COL4A1: variants seen among roughly 807,000 people sequenced by gnomAD.
COL4A1 encodes collagen type IV alpha 1 chain.
COL4A1 carries 40 observed loss-of-function variants against 216.6 expected under a neutral mutation model. That is an observed-to-expected ratio of 0.18 (90% CI 0.14 to 0.24). COL4A1 has a LOEUF of 0.24. Ranked by LOEUF, COL4A1 falls within the 10% of genes least tolerant of loss-of-function variation. The pLI is 1.00. For synonymous variants in COL4A1, 839 were observed against 810.7 expected (o/e 1.03, Z -0.59); for missense variants, 1,628 against 2,196.8 (o/e 0.74, Z 5.18).
intron 11 of COL4A1, 94 bp from the exon 12 acceptor site, chr13:110,208,984 A>T (rs1209939752): frequency 8.1e-7 from 1 of 1,239,930 alleles, no homozygotes; most frequent in East Asian, 2.3e-5. Context: ...AAGATGGTAG[A>T]TTTCAGGCAA....
chr13:110,266,660 A>C (rs535317913), intron 1 of COL4A1, among the ~76,000 whole-genome samples: 1 of 152,266 alleles, frequency 6.6e-6, no homozygotes, highest in East Asian at 1.9e-4. Context: ...AAATTGCAAC[A>C]ATGTTACAAT....
rs490727 is a variant in COL4A1, at chr13:110,192,696, A to G, written c.1465+134T>C. On this transcript the variant is annotated intron_variant, in intron 23 of 51. Transcript: ENST00000375820. ...TGGACAAATCCTGGAAGTGGGGCCC[A>G]ACATTCTTCTGATTATGCTTTAGGA... The G allele has an allele frequency of 0.73, 506,401 of 696,998 alleles. 185,650 individuals carry two copies. Among genetic ancestry groups the G allele is most frequent in the East Asian group, 0.94 (35,584 of 37,708 alleles). The allele number at this position is 696,998 out of a possible 1,614,324, so 43.2% of individuals were successfully genotyped here.
At position 110,174,017 on chromosome 13, in the gene COL4A1, A is replaced by G; in HGVS notation, c.3407-19T>C. ...GGAAGACCTCAAAGAGAAAAGTCACATCAGACACCCGCATAACCTCTCACA... is the reference window on the plus strand; with the variant it reads ...GGAAGACCTCAAAGAGAAAAGTCACGTCAGACACCCGCATAACCTCTCACA... On this transcript the variant is annotated intron_variant, in intron 39 of 51. Transcript: ENST00000375820. 6.2e-7 allele frequency: 1 copy of G among 1,613,560 alleles called. No individual in the cohort carries two copies. The highest frequency in any genetic ancestry group is 8.5e-7 in the Non-Finnish European group (1 of 1,179,668).
At chr13:110,245,914 G>A (rs920187302) in intron 1 of COL4A1, among the ~76,000 whole-genome samples, 12 of 151,978 alleles carry the variant, frequency 7.9e-5, no homozygotes, top group Non-Finnish European at 1.5e-5. Context: ...CCCCGACCCC[G>A]GCCTTCCCCC....
At position 110,152,481 on chromosome 13, in the gene COL4A1, G is replaced by A; in HGVS notation, c.4781C>T (p.Ser1594Phe). Residue 1594 changes from serine to phenylalanine, a missense_variant, in exon 51 of 52, where the codon TCT (serine) becomes TTT (phenylalanine). Transcript: ENST00000375820. The stretch of plus-strand genomic sequence containing the variant: ...GCCGGGGGACGCCAGGGCTTGGCCA[G>A]AGCCTTCTGCACCAGCGCTGGTGTG... The part of the protein sequence containing the change: ...VMHTSAGAEG[S>F]GQALASPGSC... 2 of 1,613,278 alleles carry A rather than the reference G, an allele frequency of 1.2e-6. No homozygotes were observed. Among genetic ancestry groups the A allele is most frequent in the Non-Finnish European group, 1.7e-6 (2 of 1,179,964 alleles).
intron 24 of COL4A1, among the ~76,000 whole-genome samples, chr13:110,189,213 G>A (rs9521640): frequency 9.2e-5 from 14 of 152,192 alleles, no homozygotes; most frequent in Non-Finnish European, 1.6e-4. Flanking sequence ...ATAGGCATAC[G>A]CCACCACACC....
At chr13:110,178,329 C>T (rs955287941) in intron 31 of COL4A1, 98 bp from the exon 32 acceptor site, 4 of 1,460,218 alleles carry the variant, frequency 2.7e-6, no homozygotes, top group East Asian at 4.6e-5. Flanking sequence ...GCAGAAAGCC[C>T]GTGAGCACGC....
rs749003041 is a variant in COL4A1 at position 110,203,611 on chromosome 13, CA to C, written c.958-5del. The stretch of plus-strand genomic sequence containing the variant: ...GACCTGCTTCACCCTTTTCTCCCTA[CA>C]AAAGAAAAAATAACTTTCCTTGCAT... On this transcript the variant is annotated splice_polypyrimidine_tract_variant and splice_region_variant and intron_variant, in intron 17 of 51. Coordinates refer to ENST00000375820, the MANE Select transcript of COL4A1 (RefSeq NM_001845.6). 115 of 1,613,474 alleles carry C rather than the reference CA, an allele frequency of 7.1e-5. No homozygotes were observed. In the East Asian group the frequency reaches 2.5e-3, roughly 35 times the overall value.
intron 2 of COL4A1, among the ~76,000 whole-genome samples, chr13:110,226,664 CTAACCTCAT>C (rs1459533507): frequency 6.6e-6 from 1 of 152,182 alleles, no homozygotes; most frequent in Non-Finnish European, 1.5e-5. Context: ...CACTATTAGC[CTAACCTCAT>C]TAATTTGAAA....
At position 110,162,340 on chromosome 13, in the gene COL4A1, T is replaced by C. The variant is rs767464071; in HGVS notation, c.4352A>G (p.His1451Arg). 1 of 1,614,122 alleles carries C rather than the reference T, an allele frequency of 6.2e-7. No homozygotes were observed. ...SVDHGFLVTR[H>R]SQTIDDPQCP... ...CTGTGGGTCATCTATTGTTTGACTATGCCTGGTCACAAGGAAGCCGTGATC... is the reference window on the plus strand; with the variant it reads ...CTGTGGGTCATCTATTGTTTGACTACGCCTGGTCACAAGGAAGCCGTGATC... The change falls in exon 48 of 52, where the codon CAT (histidine) becomes CGT (arginine). Residue 1451 changes from histidine (H) to arginine (R), a missense_variant. His to Arg is a conservative substitution (Grantham distance 29). Transcript: ENST00000375820.
intron 2 of COL4A1, among the ~76,000 whole-genome samples, chr13:110,231,630 C>T (rs1044274261): frequency 6.6e-6 from 1 of 152,122 alleles, no homozygotes; most frequent in Admixed American, 6.6e-5. Context: ...AGGGCAGGCT[C>T]CAGGACTGCC....
rs567027627 is a variant in COL4A1, at chr13:110,269,098, G to A, written c.85-26364C>T. Among the ~76,000 whole-genome samples, 15 of 152,250 alleles carry A rather than the reference G, an allele frequency of 9.9e-5. No individual in the cohort carries two copies. In the South Asian group the frequency reaches 3.1e-3, roughly 32 times the overall value. On this transcript the variant is annotated intron_variant, in intron 1 of 51. Transcript: ENST00000375820. ...TTGACAGCATGCTCTACTAACAAAG[G>A]GCTGTGCATAACCTATTTCAGTAAA...
At chr13:110,197,749 G>T (rs942633953) in intron 21 of COL4A1, among the ~76,000 whole-genome samples, 2 of 152,154 alleles carry the variant, frequency 1.3e-5, no homozygotes, top group Non-Finnish European at 2.9e-5. Flanking sequence ...AATAAATCTT[G>T]CTGGGACTTG....
chr13:110,184,797 G>T (rs558019300), intron 26 of COL4A1, among the ~76,000 whole-genome samples: 1 of 152,156 alleles, frequency 6.6e-6, no homozygotes, highest in Admixed American at 6.5e-5. Context: ...TGCAACCTCC[G>T]CCTCCTGGAT....
Position 110,210,193 on chromosome 13 carries a change from A to G in COL4A1, c.488T>C (p.Leu163Pro). 6.2e-7 allele frequency: 1 copy of G among 1,613,806 alleles called. No homozygotes were observed. The highest frequency in any genetic ancestry group is 1.1e-5 in the South Asian group (1 of 91,076). ...PGMKGDPGEI[L>P]GHVPGMLLKG... ...CAACAGCATCCCGGGCACATGGCCA[A>G]GTATCTCACCTGGATCACCCTAGAG... is the stretch of plus-strand genomic sequence containing the variant. Residue 163 changes from leucine (L) to proline (P), a missense_variant, in exon 9 of 52, where the codon CTT becomes CCT. By Grantham distance (98) the Leu-to-Pro change is moderately conservative. This residue lies in a region of COL4A1 where 150 missense variants were observed against 211.9 expected (regional missense o/e 0.71). Transcript: ENST00000375820.
At chr13:110,289,035 C>T (rs1252315533) in intron 1 of COL4A1, among the ~76,000 whole-genome samples, 1 of 151,440 alleles carries the variant, frequency 6.6e-6, no homozygotes, top group Non-Finnish European at 1.5e-5. Flanking sequence ...AAGACCCCAT[C>T]TCAAAAAAAA....
intron 48 of COL4A1, 151 bp from the exon 49 acceptor site, chr13:110,161,520 T>C (rs1365175353): frequency 9.9e-6 from 10 of 1,012,882 alleles, no homozygotes; most frequent in South Asian, 2.9e-5. Flanking sequence ...TAGGACATTT[T>C]TGATGAAAGG....
intron 2 of COL4A1, 86 bp from the exon 3 acceptor site, chr13:110,214,101 A>G: frequency 7.3e-6 from 8 of 1,103,094 alleles, no homozygotes; most frequent in South Asian, 5.0e-5. Context: ...GGCTATATAT[A>G]TATTTTTTTT....
At chr13:110,229,736 G>A (rs545314161) in intron 2 of COL4A1, among the ~76,000 whole-genome samples, 1 of 152,216 alleles carries the variant, frequency 6.6e-6, no homozygotes, top group Non-Finnish European at 1.5e-5. Context: ...CTGGAGCCTT[G>A]ATCTTGGACT....
Sources: allele counts gnomAD v4.1 joint callset (sites outside exome capture counted in the v4.1 genomes callset), GRCh38; gene constraint gnomAD v4.1.1; regional missense constraint gnomAD v4.1.1; transcripts MANE v1.5; gene names NCBI Gene and HGNC (gene_info 2026-07-23, HGNC 2026-07-21).